NRG3: variants seen among roughly 807,000 people sequenced by gnomAD.
NRG3 encodes the protein neuregulin 3, also known as pro-neuregulin-3, membrane-bound isoform.
In NRG3, 31 loss-of-function variants were observed where a neutral mutation model predicts 66.9. The ratio of observed to expected loss-of-function variants is 0.46; its 90% CI spans 0.35 to 0.63. NRG3 has a LOEUF of 0.63. Ranked by LOEUF, NRG3 falls within the 20% of genes least tolerant of loss-of-function variation. The pLI is 0.00. For synonymous variants in NRG3, 393 were observed against 359.4 expected (o/e 1.09, Z -1.06); for missense variants, 910 against 878.9 (o/e 1.04, Z -0.45).
chr10:82,303,474 A>G (rs182182308), intron 1 of NRG3, among the ~76,000 whole-genome samples: 3 of 152,230 alleles, frequency 2.0e-5, no homozygotes, highest in Admixed American at 2.0e-4. Flanking sequence ...TTGTCATCTG[A>G]TGTGGTCAGT....
intron 2 of NRG3, among the ~76,000 whole-genome samples, chr10:82,648,025 A>G (rs1259182882): frequency 1.4e-5 from 2 of 147,974 alleles, no homozygotes; most frequent in Admixed American, 6.8e-5. Flanking sequence ...CCCATTTGTC[A>G]ATTTTGGCTT....
intron 1 of NRG3, among the ~76,000 whole-genome samples, chr10:81,919,700 T>C (rs773736696): frequency 8.5e-5 from 13 of 152,112 alleles, no homozygotes; most frequent in East Asian, 5.8e-4. Flanking sequence ...AGATTAGATA[T>C]TGAGGAGATT....
chr10:82,048,771 G>C (rs895041004), intron 1 of NRG3, among the ~76,000 whole-genome samples: 1 of 151,348 alleles, frequency 6.6e-6, no homozygotes, highest in African/African-American at 2.4e-5. Flanking sequence ...GAAGGAAATA[G>C]AGACACAAAA....
chr10:82,343,023 G>A (rs1048835604), intron 1 of NRG3, among the ~76,000 whole-genome samples: 1 of 152,068 alleles, frequency 6.6e-6, no homozygotes, highest in Non-Finnish European at 1.5e-5. Context: ...ATTGAATAGA[G>A]TGTCCTCTCC....
At chr10:82,433,427 C>G (rs928984887) in intron 2 of NRG3, among the ~76,000 whole-genome samples, 1 of 152,160 alleles carries the variant, frequency 6.6e-6, no homozygotes, top group African/African-American at 2.4e-5. Context: ...CCTGTTCACT[C>G]TGATGATAAT....
intron 2 of NRG3, among the ~76,000 whole-genome samples, chr10:82,628,322 T>C (rs906050009): frequency 2.6e-5 from 4 of 152,318 alleles, no homozygotes; most frequent in Admixed American, 6.5e-5. Flanking sequence ...TTTTTAATCA[T>C]TCTCTAGCAT....
chr10:82,114,678 G>A (rs1010535431), intron 1 of NRG3, among the ~76,000 whole-genome samples: 1 of 152,058 alleles, frequency 6.6e-6, no homozygotes, highest in African/African-American at 2.4e-5. Context: ...CTGATATTTG[G>A]TCATACTAGA....
At chr10:81,978,333 G>C (rs923207103) in intron 1 of NRG3, among the ~76,000 whole-genome samples, 1 of 152,082 alleles carries the variant, frequency 6.6e-6, no homozygotes, top group African/African-American at 2.4e-5. Context: ...TGTGAATATT[G>C]CCCTTTATTA....
chr10:82,102,287 C>T lies in NRG3; in HGVS notation c.823+226124C>T, dbSNP rs552634304. Reference sequence around the variant, plus strand: ...TCTGATATTGATATAGCCATCCCATCATTCTTTGGTGTTTATATAGTTTAA... The same window carrying T: ...TCTGATATTGATATAGCCATCCCATTATTCTTTGGTGTTTATATAGTTTAA... On this transcript the variant is annotated intron_variant, in intron 1 of 8. Coordinates refer to ENST00000372141, the MANE Select transcript of NRG3 (RefSeq NM_001010848.4). Among the ~76,000 whole-genome samples the T allele has an allele frequency of 6.2e-4, 93 of 149,820 alleles. 3 individuals are homozygous for T. In the South Asian group the frequency reaches 0.019, roughly 31 times the overall value.
At chr10:82,200,912 G>T (rs1290284854) in intron 1 of NRG3, among the ~76,000 whole-genome samples, 1 of 151,984 alleles carries the variant, frequency 6.6e-6, no homozygotes, top group Non-Finnish European at 1.5e-5. Context: ...TAAAGAGACA[G>T]CTGGGCCGGG....
intron 2 of NRG3, among the ~76,000 whole-genome samples, chr10:82,373,055 C>T (rs1307694374): frequency 6.6e-6 from 1 of 152,094 alleles, no homozygotes; most frequent in Non-Finnish European, 1.5e-5. Context: ...TCTACAATTC[C>T]CTAGGTAGTA....
At chr10:82,656,820 A>C (rs1367066266) in intron 2 of NRG3, among the ~76,000 whole-genome samples, 1 of 151,844 alleles carries the variant, frequency 6.6e-6, no homozygotes, top group Non-Finnish European at 1.5e-5. Context: ...TTTTATAACA[A>C]CCCCCTCAAA....
At chr10:82,589,219 A>G (rs959731225) in intron 2 of NRG3, among the ~76,000 whole-genome samples, 8 of 152,202 alleles carry the variant, frequency 5.3e-5, no homozygotes, top group African/African-American at 1.7e-4. Flanking sequence ...TAGATAAGAA[A>G]TGGTAACGAA....
chr10:82,621,201 A>G (rs1441761426), intron 2 of NRG3, among the ~76,000 whole-genome samples: 1 of 152,146 alleles, frequency 6.6e-6, no homozygotes, highest in East Asian at 1.9e-4. Flanking sequence ...AGGTTTTCCT[A>G]TTGTGCTAGT....
At chr10:82,334,721 C>G (rs1467011104) in intron 1 of NRG3, among the ~76,000 whole-genome samples, 4 of 152,120 alleles carry the variant, frequency 2.6e-5, no homozygotes, top group Non-Finnish European at 5.9e-5. Flanking sequence ...CAAAACGATA[C>G]AGAGTCCATC....
intron 4 of NRG3, among the ~76,000 whole-genome samples, chr10:82,913,131 A>T (rs1403753671): frequency 6.6e-6 from 1 of 152,200 alleles, no homozygotes; most frequent in Non-Finnish European, 1.5e-5. Context: ...AGGCTGAGGC[A>T]GGAGAATGGC....
chr10:82,099,191 ATTTTCTCTT>A (rs1465866914), intron 1 of NRG3, among the ~76,000 whole-genome samples: 1 of 152,006 alleles, frequency 6.6e-6, no homozygotes, highest in Non-Finnish European at 1.5e-5. Context: ...GGTCATGAAG[ATTTTCTCTT>A]TTTTCTCAAG....
intron 1 of NRG3, among the ~76,000 whole-genome samples, chr10:82,170,653 G>GGT (rs557854251): frequency 0.24 from 11,503 of 48,724 alleles, 1,815 homozygotes; most frequent in Middle Eastern, 0.36. Flanking sequence ...TAAAACTTGT[G>GGT]GTATATATAT....
intron 1 of NRG3, among the ~76,000 whole-genome samples, chr10:82,336,150 G>C (rs1431265770): frequency 6.6e-6 from 1 of 152,060 alleles, no homozygotes; most frequent in Non-Finnish European, 1.5e-5. Flanking sequence ...CTGATTCTTT[G>C]TGAAGGGTTC....
Sources: allele counts gnomAD v4.1 joint callset (sites outside exome capture counted in the v4.1 genomes callset), GRCh38; gene constraint gnomAD v4.1.1; transcripts MANE v1.5; gene names NCBI Gene and HGNC (gene_info 2026-07-23, HGNC 2026-07-21).